The following BLTP1 variants were observed in gnomAD, a reference collection of about 807,000 sequenced individuals.
BLTP1 encodes fragile site-associated protein.
the BLTP1 span, chr4:122,199,992 T>C: frequency 1.0e-6 from 1 of 975,416 alleles, no homozygotes; most frequent in Non-Finnish European, 1.2e-6. Context: ...ATTATTACTA[T>C]CAGGGACAAC....
At chr4:122,350,329 T>C in the BLTP1 span, 6 of 984,954 alleles carry the variant, frequency 6.1e-6, no homozygotes, top group Admixed American at 1.8e-4. Flanking sequence ...CGCTCTTGAA[T>C]AGTGTTTATG....
chr4:122,262,036 A>C, the BLTP1 span: 16 of 982,962 alleles, frequency 1.6e-5, no homozygotes, highest in Non-Finnish European at 1.8e-5. Flanking sequence ...GTCTATTCTG[A>C]CTCCCGTAAA....
the BLTP1 span, chr4:122,359,851 G>C: frequency 7.2e-7 from 1 of 1,386,030 alleles, no homozygotes; most frequent in Non-Finnish European, 9.3e-7. Flanking sequence ...AATGTCTATA[G>C]CTTCTGTGTG....
the BLTP1 span, chr4:122,251,615 C>T: frequency 4.1e-6 from 4 of 984,548 alleles, no homozygotes; most frequent in South Asian, 1.4e-4. Context: ...TTCTTTCCTT[C>T]TCCTTCACCT....
the BLTP1 span, chr4:122,174,666 A>G: frequency 6.5e-7 from 1 of 1,542,234 alleles, no homozygotes; most frequent in South Asian, 1.2e-5. Context: ...ACAAAATTAA[A>G]AAATTGAAAA....
chr4:122,168,235 A>T, the BLTP1 span, among the ~76,000 whole-genome samples: 1 of 152,222 alleles, frequency 6.6e-6, no homozygotes, highest in Non-Finnish European at 1.5e-5. Flanking sequence ...TTTACAGCCT[A>T]AACAACCTCT....
the BLTP1 span, chr4:122,171,704 G>A: frequency 5.7e-5 from 25 of 438,232 alleles, no homozygotes; most frequent in Non-Finnish European, 7.2e-5. Context: ...CAAGGATGTG[G>A]GTAGGAATAT....
At chr4:122,193,302 T>A in the BLTP1 span, among the ~76,000 whole-genome samples, 1 of 152,108 alleles carries the variant, frequency 6.6e-6, no homozygotes, top group South Asian at 2.1e-4. Flanking sequence ...ATAATTTATA[T>A]TAAAGATTAG....
chr4:122,152,702 G>A, the BLTP1 span: 1 of 908,938 alleles, frequency 1.1e-6, no homozygotes, highest in African/African-American at 1.8e-5. Context: ...TGCCTGCGGC[G>A]GCGACTCCTT....
At chr4:122,232,272 C>G in the BLTP1 span, 1 of 302,072 alleles carries the variant, frequency 3.3e-6, no homozygotes, top group Non-Finnish European at 4.9e-6. Context: ...AAGCGGTAGC[C>G]AGTCATGTGT....
the BLTP1 span, chr4:122,155,031 C>A: frequency 3.2e-6 from 2 of 631,666 alleles, no homozygotes; most frequent in Non-Finnish European, 3.9e-6. Context: ...TAATTCATTT[C>A]ATAACTAGCT....
At chr4:122,210,529 T>G in the BLTP1 span, among the ~76,000 whole-genome samples, 1 of 152,184 alleles carries the variant, frequency 6.6e-6, no homozygotes, top group East Asian at 1.9e-4. Flanking sequence ...TTTAAATAGC[T>G]ATTTATATGA....
the BLTP1 span, chr4:122,344,284 A>G: frequency 7.9e-7 from 1 of 1,262,678 alleles, no homozygotes; most frequent in Non-Finnish European, 1.1e-6. Context: ...AATTCATGGC[A>G]TATTACAGTA....
the BLTP1 span, among the ~76,000 whole-genome samples, chr4:122,285,508 C>T: frequency 6.6e-6 from 1 of 152,094 alleles, no homozygotes; most frequent in Non-Finnish European, 1.5e-5. Context: ...TGGCCATTCA[C>T]AGATGCCCCA....
At chr4:122,320,282 G>A in the BLTP1 span, among the ~76,000 whole-genome samples, 1 of 152,016 alleles carries the variant, frequency 6.6e-6, no homozygotes, top group East Asian at 1.9e-4. Context: ...CCAAGTAGCT[G>A]GGACCACAGC....
the BLTP1 span, chr4:122,205,024 TTAAG>T: frequency 2.6e-5 from 4 of 154,294 alleles, no homozygotes; most frequent in Non-Finnish European, 5.7e-5. Flanking sequence ...TCATTTGACA[TTAAG>T]TATGTTATTC....
At chr4:122,226,561 GGCTAACAAGTT>G in the BLTP1 span, 2 of 1,459,390 alleles carry the variant, frequency 1.4e-6, no homozygotes, top group East Asian at 5.3e-5. Flanking sequence ...AAAAATCATT[GGCTAACAAGTT>G]GCTTATTTAG....
the BLTP1 span, chr4:122,341,675 T>C: frequency 1.0e-6 from 1 of 981,270 alleles, no homozygotes. Context: ...TAAGAATATA[T>C]AGGTTGCGAC....
the BLTP1 span, among the ~76,000 whole-genome samples, chr4:122,216,893 G>A: frequency 6.6e-5 from 10 of 151,966 alleles, no homozygotes; most frequent in South Asian, 2.1e-4. Flanking sequence ...TTATGGTTTC[G>A]TGTCTTAGAT....
Sources: gnomAD v4.1 joint callset for allele counts (sites outside exome capture counted in the v4.1 genomes callset) on GRCh38, gnomAD v4.1.1 for gene constraint, MANE v1.5 for transcripts, NCBI Gene and HGNC (gene_info 2026-07-23, HGNC 2026-07-21) for gene names.